Variants in ZNF207 observed in about 807,000 individuals in gnomAD.
ZNF207 encodes the protein BUB3-interacting and GLEBS motif-containing protein ZNF207.
ZNF207 carries 24 observed loss-of-function variants against 60.2 expected under a neutral mutation model. The observed-to-expected ratio is 0.40, with a 90% confidence interval of 0.29 to 0.56. The LOEUF is 0.56. Among genes scored for constraint, ZNF207 ranks in the 20% least tolerant of loss-of-function variants. The pLI is 0.49. For synonymous variants in ZNF207, 236 were observed against 194.7 expected (o/e 1.21, Z -1.77); for missense variants, 452 against 636.6 (o/e 0.71, Z 3.12).
chr17:32,360,644 T>A lies in ZNF207; in HGVS notation c.354T>A (p.Asp118Glu), dbSNP rs1904822868. 3 of 1,613,928 alleles carry A rather than the reference T, an allele frequency of 1.9e-6. No individual in the cohort carries two copies. In the Admixed American group the frequency reaches 5.0e-5, roughly 27 times the overall value. Reference sequence around the variant, plus strand: ...AAGATGATTCTGATGAATATGATGATGACGACTCTGCAGCCTCAACTTCAT... The same window carrying A: ...AAGATGATTCTGATGAATATGATGAAGACGACTCTGCAGCCTCAACTTCAT... The part of the protein sequence containing the change: ...KQQDDSDEYD[D>E]DDSAASTSFQ... The change falls in exon 4 of 12, where the codon GAT becomes GAA. Residue 118 changes from aspartate to glutamate, a missense_variant. Around this residue, in one of 2 missense-constraint regions of ZNF207, gnomAD observed 62 missense variants for 175.3 expected, o/e 0.35. Transcript: ENST00000394670.
At chr17:32,360,857 T>G in intron 4 of ZNF207, 35 bp from the exon 5 acceptor site, 1 of 1,613,254 alleles carries the variant, frequency 6.2e-7, no homozygotes, top group Non-Finnish European at 8.5e-7. Context: ...CTCTTTAATA[T>G]TTGTTATTAT....
chr17:32,357,389 C>T (rs1257205658), intron 2 of ZNF207, among the ~76,000 whole-genome samples: 2 of 140,598 alleles, frequency 1.4e-5, no homozygotes, highest in Non-Finnish European at 3.0e-5. Flanking sequence ...CGCTCTCTTG[C>T]CCAGGCTAGA....
chr17:32,354,005 C>T (rs1444461492), intron 2 of ZNF207, among the ~76,000 whole-genome samples: 2 of 152,062 alleles, frequency 1.3e-5, no homozygotes, highest in African/African-American at 4.8e-5. Context: ...GATTGATTGA[C>T]AGGGTCTCAT....
At position 32,381,375 on chromosome 17, in the gene ZNF207, TA is replaced by T. The variant is rs1382976613; in HGVS notation, c.*11619del. On this transcript the variant is annotated 3_prime_UTR_variant, in exon 12 of 12. Coordinates refer to ENST00000394670, the MANE Select transcript of ZNF207 (RefSeq NM_001098507.2). ...CTGATCGCATAATTTTTAATGTAAG[TA>T]AATGAGCTCACTAAGGGTAATTAAA... 1 of 152,252 alleles carries T rather than the reference TA, an allele frequency of 6.6e-6. No homozygotes were observed. The highest frequency in any genetic ancestry group is 1.9e-4 in the East Asian group (1 of 5,198). 9.4% of individuals were successfully genotyped at this position (152,252 alleles called of 1,614,324 possible). A position where few individuals can be genotyped will look rare whatever the true frequency, so the allele number is the denominator to read the frequency against.
In ZNF207 at chr17:32,366,706, T is replaced by A; in HGVS notation, c.870T>A (p.Asn290Lys). ...PVTSSSTASS[N>K]SESLSASSKA... ...CAAGCTCAAGTACAGCTTCATCCAA[T>A]TCAGAAAGTCTGTCTGCATCTTCTA... The change falls in exon 9 of 12, where the codon AAT becomes AAA. Residue 290 changes from asparagine to lysine, a missense_variant. Physicochemically the swap from Asn to Lys is moderately conservative, Grantham distance 94. This residue lies in a region of ZNF207 where 390 missense variants were observed against 461.4 expected (regional missense o/e 0.85). Coordinates refer to ENST00000394670, the MANE Select transcript of ZNF207 (RefSeq NM_001098507.2). 2 of 1,611,798 alleles carry A rather than the reference T, an allele frequency of 1.2e-6. No homozygotes were observed. The highest frequency in any genetic ancestry group is 2.2e-5 in the East Asian group (1 of 44,630).
At chr17:32,353,864 C>T (rs1368298908) in intron 2 of ZNF207, among the ~76,000 whole-genome samples, 1 of 150,798 alleles carries the variant, frequency 6.6e-6, no homozygotes, top group African/African-American at 2.5e-5. Context: ...ACATGTTAGA[C>T]TCACAGCTGT....
At position 32,361,519 on chromosome 17, in the gene ZNF207, A is replaced by T. The variant is rs1314448682; in HGVS notation, c.599+4A>T. On this transcript the variant is annotated splice_donor_region_variant and intron_variant, in intron 6 of 11. Transcript: ENST00000394670. The stretch of plus-strand genomic sequence containing the variant: ...AGTCATTTTGCGGTGAAAACATGTA[A>T]GCATCTCATTCATAATGTAATTCAG... The T allele has an allele frequency of 6.2e-7, 1 of 1,606,682 alleles. No individual in the cohort carries two copies. The highest frequency in any genetic ancestry group is 8.5e-7 in the Non-Finnish European group (1 of 1,176,104).
Position 32,373,329 on chromosome 17 carries a change from AT to A in ZNF207, c.*3574del. ...ATCATTGGGATTTTTAAAAAAAAAA[AT>A]TTTAATGCATGTCTTTTAAATTAAT... On this transcript the variant is annotated 3_prime_UTR_variant, in exon 12 of 12. Coordinates refer to ENST00000394670, the MANE Select transcript of ZNF207 (RefSeq NM_001098507.2). The A allele has an allele frequency of 1.4e-5, 9 of 630,626 alleles. No homozygotes were observed. Among genetic ancestry groups the A allele is most frequent in the East Asian group, 2.7e-5 (1 of 36,392 alleles). The allele number at this position is 630,626 out of a possible 1,614,324, so 39.1% of individuals were successfully genotyped here. A position where few individuals can be genotyped will look rare whatever the true frequency, so the allele number is the denominator to read the frequency against.
At position 32,376,184 on chromosome 17, in the gene ZNF207, G is replaced by A. The variant is rs1905669027; in HGVS notation, c.*6425G>A. ...TTATGGATCTAATTCAAACCAATAT[G>A]TAGGAAATGGAGAAAGTAGGACTTC... On this transcript the variant is annotated 3_prime_UTR_variant, in exon 12 of 12. Coordinates refer to ENST00000394670, the MANE Select transcript of ZNF207 (RefSeq NM_001098507.2). 1 of 151,936 alleles carries A rather than the reference G, an allele frequency of 6.6e-6. No individual in the cohort carries two copies. The highest frequency in any genetic ancestry group is 1.5e-5 in the Non-Finnish European group (1 of 67,878). The allele number at this position is 151,936 out of a possible 1,614,324, so 9.4% of individuals were successfully genotyped here.
In ZNF207 at chr17:32,377,311, T is replaced by C. The variant is rs1477605456; in HGVS notation, c.*7552T>C. On this transcript the variant is annotated 3_prime_UTR_variant, in exon 12 of 12. Coordinates refer to ENST00000394670, the MANE Select transcript of ZNF207 (RefSeq NM_001098507.2). Reference sequence around the variant, plus strand: ...TCACAGAGGTGAAAAAAAAAAGATTTGCACCATCATATCCGAGTCTTTACT... The same window carrying C: ...TCACAGAGGTGAAAAAAAAAAGATTCGCACCATCATATCCGAGTCTTTACT... 1.3e-5 allele frequency: 2 copies of C among 151,944 alleles called. No homozygotes were observed. The highest frequency in any genetic ancestry group is 4.8e-5 in the African/African-American group (2 of 41,416). 9.4% of individuals were successfully genotyped at this position (151,944 alleles called of 1,614,324 possible). A position where few individuals can be genotyped will look rare whatever the true frequency, so the allele number is the denominator to read the frequency against.
intron 5 of ZNF207, 117 bp downstream of exon 5, chr17:32,361,084 T>C: frequency 9.9e-7 from 1 of 1,007,714 alleles, no homozygotes; most frequent in Non-Finnish European, 1.5e-6. Context: ...AGGTATGGGC[T>C]CTATATATCT....
intron 2 of ZNF207, among the ~76,000 whole-genome samples, chr17:32,354,135 C>T (rs1904359866): frequency 6.6e-6 from 1 of 152,042 alleles, no homozygotes; most frequent in South Asian, 2.1e-4. Context: ...ACCACCATAC[C>T]TGGCTATTTT....
chr17:32,351,254 G>C, intron 1 of ZNF207: 1 of 183,380 alleles, frequency 5.5e-6, no homozygotes, highest in Non-Finnish European at 1.1e-5. Context: ...TAAATACATT[G>C]CTTGGCAACA....
intron 3 of ZNF207, among the ~76,000 whole-genome samples, chr17:32,359,601 C>A (rs1277752495): frequency 1.3e-5 from 2 of 148,396 alleles, no homozygotes; most frequent in African/African-American, 4.9e-5. Flanking sequence ...TTAGTATTTT[C>A]AATTATAAAT....
At position 32,376,036 on chromosome 17, in the gene ZNF207, CTG is replaced by C. The variant is rs954831940; in HGVS notation, c.*6282_*6283del. On this transcript the variant is annotated 3_prime_UTR_variant, in exon 12 of 12. Coordinates refer to ENST00000394670, the MANE Select transcript of ZNF207 (RefSeq NM_001098507.2). ...ATAGCAAAGAAATCATCTGACTTTT[CTG>C]TGTGATGTTTCTTGGCAAAATAAGC... 6 of 151,974 alleles carry C rather than the reference CTG, an allele frequency of 3.9e-5. No individual in the cohort carries two copies. The highest frequency in any genetic ancestry group is 1.4e-4 in the African/African-American group (6 of 41,398). The allele number at this position is 151,974 out of a possible 1,614,324, so 9.4% of individuals were successfully genotyped here.
rs1225856800 is a variant in ZNF207 at position 32,360,944 on chromosome 17, A to G, written c.528A>G (p.Pro176=). The change falls in exon 5 of 12, where the codon CCA becomes CCG. Residue 176 remains proline, a synonymous_variant. Transcript: ENST00000394670. Reference sequence around the variant, plus strand: ...CTCCTCTGATGCCAGGAATGCCACCAGTTATGCCAGGCATGCCACCTGGGT... The same window carrying G: ...CTCCTCTGATGCCAGGAATGCCACCGGTTATGCCAGGCATGCCACCTGGGT... ...GVPPLMPGMP[P]VMPGMPPGLH... The G allele has an allele frequency of 1.2e-6, 2 of 1,613,554 alleles. No individual in the cohort carries two copies. Among genetic ancestry groups the G allele is most frequent in the Non-Finnish European group, 1.7e-6 (2 of 1,180,000 alleles).
At chr17:32,367,242 TATATATA>T (rs1905213072) in intron 9 of ZNF207, among the ~76,000 whole-genome samples, 1 of 43,888 alleles carries the variant, frequency 2.3e-5, no homozygotes, top group South Asian at 7.7e-4. Flanking sequence ...GAGGGGATTA[TATATATA>T]TATATATATA....
In ZNF207 at chr17:32,379,733, T is replaced by G. The variant is rs1431784925; in HGVS notation, c.*9974T>G. On this transcript the variant is annotated 3_prime_UTR_variant, in exon 12 of 12. Transcript: ENST00000394670. Reference sequence around the variant, plus strand: ...GAGAGGCTTAAAAATTTCAAAAGTATTATTTAAGCCACTCTAACCCTGCAT... The same window carrying G: ...GAGAGGCTTAAAAATTTCAAAAGTAGTATTTAAGCCACTCTAACCCTGCAT... 6.6e-6 allele frequency: 1 copy of G among 152,144 alleles called. No individual in the cohort carries two copies. Among genetic ancestry groups the G allele is most frequent in the Non-Finnish European group, 1.5e-5 (1 of 68,012 alleles). The allele number at this position is 152,144 out of a possible 1,614,324, so 9.4% of individuals were successfully genotyped here.
Position 32,362,941 on chromosome 17 carries a change from A to G in ZNF207, c.627A>G (p.Pro209=). Residue 209 remains proline, a synonymous_variant, in exon 7 of 12, where the codon CCA becomes CCG. Coordinates refer to ENST00000394670, the MANE Select transcript of ZNF207 (RefSeq NM_001098507.2). The part of the protein sequence containing the change: ...NIMMPMGGMM[P]PGPGIPPLMP... ...TGATGCCAATGGGTGGAATGATGCC[A>G]CCTGGACCAGGAATACCACCTCTGA... 1 of 1,613,390 alleles carries G rather than the reference A, an allele frequency of 6.2e-7. No homozygotes were observed. The highest frequency in any genetic ancestry group is 8.5e-7 in the Non-Finnish European group (1 of 1,179,994).
Sources: gnomAD v4.1 joint callset for allele counts (sites outside exome capture counted in the v4.1 genomes callset) on GRCh38, gnomAD v4.1.1 for gene constraint, gnomAD v4.1.1 regional missense constraint, MANE v1.5 for transcripts, NCBI Gene and HGNC (gene_info 2026-07-23, HGNC 2026-07-21) for gene names.